The following SEC23A variants were observed in gnomAD, a reference collection of about 807,000 sequenced individuals.
SEC23A encodes the protein protein transport protein Sec23A.
A neutral mutation model predicts 103.7 loss-of-function variants in SEC23A; 56 were observed. That is an observed-to-expected ratio of 0.54 (90% confidence interval 0.44 to 0.67). SEC23A has a LOEUF of 0.67. Among genes scored for constraint, SEC23A ranks in the 30% least tolerant of loss-of-function variants. The pLI is 0.00. For missense variants in SEC23A, 784 were observed against 936.4 expected (o/e 0.84, Z 2.12); for synonymous variants, 281 against 293.0 (o/e 0.96, Z 0.42).
Position 39,042,786 on chromosome 14 carries a change from C to T in SEC23A, c.1986G>A (p.Glu662=). Residue 662 remains glutamate, a splice_region_variant and synonymous_variant, in exon 17 of 20, where the codon GAG becomes GAA. Coordinates refer to ENST00000307712, the MANE Select transcript of SEC23A (RefSeq NM_006364.4). Reference sequence around the variant, plus strand: ...GCTTTAAATGCTATTGAAATCTTACCTCACCATGATAAATCAAAATCTGGA... The same window carrying T: ...GCTTTAAATGCTATTGAAATCTTACTTCACCATGATAAATCAAAATCTGGA... ...TFFQILIYHG[E]TIAQWRKSGY... The T allele has an allele frequency of 6.3e-7, 1 of 1,592,140 alleles. No individual in the cohort carries two copies. Among genetic ancestry groups the T allele is most frequent in the Non-Finnish European group, 8.6e-7 (1 of 1,160,374 alleles).
intron 15 of SEC23A, among the ~76,000 whole-genome samples, chr14:39,047,184 A>G (rs998573487): frequency 1.3e-5 from 2 of 152,178 alleles, no homozygotes; most frequent in Non-Finnish European, 2.9e-5. Context: ...TCCTATTTCC[A>G]GGAAAGGAAG....
chr14:39,093,755 T>A (rs78857429), intron 2 of SEC23A, among the ~76,000 whole-genome samples: 44 of 152,092 alleles, frequency 2.9e-4, no homozygotes, highest in African/African-American at 1.1e-3. Flanking sequence ...AGTGAAACCA[T>A]CTCAAAAATA....
chr14:39,102,895 T>G (rs1027688875), intron 1 of SEC23A, 137 bp downstream of exon 1: 2 of 152,110 alleles, frequency 1.3e-5, no homozygotes, highest in African/African-American at 4.8e-5. Context: ...CACTCAACGC[T>G]CCCCGCGCCG....
Position 39,076,042 on chromosome 14 carries a change from C to A in SEC23A, c.880G>T (p.Ala294Ser). ...ARIMMFIGGP[A>S]TQGPGMVVGD... ...ACCACCATTCCAGGCCCCTGAGTAG[C>A]AGGACCACCAATGAACATCATGATA... The change falls in exon 8 of 20, where the codon GCT becomes TCT. Residue 294 changes from alanine to serine, a missense_variant. Physicochemically the swap from Ala to Ser is moderately conservative, Grantham distance 99 (BLOSUM62 1). Coordinates refer to ENST00000307712, the MANE Select transcript of SEC23A (RefSeq NM_006364.4). 1.2e-6 allele frequency: 2 copies of A among 1,613,586 alleles called. No homozygotes were observed. Among genetic ancestry groups the A allele is most frequent in the Non-Finnish European group, 1.7e-6 (2 of 1,179,800 alleles).
chr14:39,064,144 G>A (rs373547181), intron 11 of SEC23A, among the ~76,000 whole-genome samples: 2 of 152,158 alleles, frequency 1.3e-5, no homozygotes. Context: ...TTCTCTGGAT[G>A]AGAATTGTTA....
At chr14:39,049,721 T>C (rs1594442841) in intron 14 of SEC23A, among the ~76,000 whole-genome samples, 1 of 151,336 alleles carries the variant, frequency 6.6e-6, no homozygotes, top group African/African-American at 2.4e-5. Context: ...GAGGCTACTC[T>C]GTAAGCCATG....
At chr14:39,088,302 A>G (rs1887519854) in intron 5 of SEC23A, 1 of 152,230 alleles carries the variant, frequency 6.6e-6, no homozygotes, top group Non-Finnish European at 1.5e-5. Flanking sequence ...GCCTATTGAA[A>G]AAAGGAAGAT....
Position 39,096,067 on chromosome 14 carries a change from G to A in SEC23A, c.52C>T (p.Arg18Ter), listed in dbSNP as rs745341783. 9 of 1,613,736 alleles carry A rather than the reference G, an allele frequency of 5.6e-6. No individual in the cohort carries two copies. Among genetic ancestry groups the A allele is most frequent in the Admixed American group, 1.7e-5 (1 of 59,980 alleles). The change falls in exon 2 of 20, where the codon CGA becomes TGA. Residue 18 changes from arginine to a stop codon, truncating the protein, a stop_gained. Coordinates refer to ENST00000307712, the MANE Select transcript of SEC23A (RefSeq NM_006364.4). LOFTEE classifies it high-confidence loss of function. ...GATGGCCAAACATTCCAACTAAATC[G>A]GACTCCATCTCGTTCTTCATTTTGT... ...IQQNEERDGV[R>*]FSWNVWPSSR... is the part of the protein sequence containing the mutation.
intron 5 of SEC23A, among the ~76,000 whole-genome samples, chr14:39,089,824 C>T (rs1887595640): frequency 1.3e-5 from 2 of 152,074 alleles, no homozygotes; most frequent in Admixed American, 6.6e-5. Context: ...GGCATGATGG[C>T]GGGTGCCAGT....
intron 1 of SEC23A, among the ~76,000 whole-genome samples, chr14:39,096,741 G>T (rs575331119): frequency 2.6e-5 from 4 of 151,868 alleles, no homozygotes; most frequent in African/African-American, 9.7e-5. Flanking sequence ...AAAAATAGGG[G>T]GAAAACCTAG....
intron 16 of SEC23A, among the ~76,000 whole-genome samples, chr14:39,044,015 G>GT (rs148462578): frequency 0.013 from 1,986 of 152,262 alleles, 36 homozygotes; most frequent in African/African-American, 0.043. Flanking sequence ...GTGGGTCATG[G>GT]TGGGGGTGTT....
At chr14:39,088,412 C>A (rs897143168) in intron 5 of SEC23A, 1 of 151,944 alleles carries the variant, frequency 6.6e-6, no homozygotes, top group Admixed American at 6.6e-5. Context: ...GCCTGGCCAA[C>A]ATGGTGAAAC....
intron 1 of SEC23A, among the ~76,000 whole-genome samples, chr14:39,096,619 C>T (rs1887902521): frequency 6.6e-6 from 1 of 151,758 alleles, no homozygotes; most frequent in African/African-American, 2.4e-5. Flanking sequence ...AATGGCTCTA[C>T]CCAATGTTCA....
intron 9 of SEC23A, among the ~76,000 whole-genome samples, chr14:39,067,542 A>C (rs2060446883): frequency 6.6e-6 from 1 of 152,200 alleles, no homozygotes; most frequent in African/African-American, 2.4e-5. Context: ...ATTTAAAAAA[A>C]AATTCTTCTT....
chr14:39,056,663 A>G (rs1886262620), intron 13 of SEC23A, among the ~76,000 whole-genome samples: 1 of 151,742 alleles, frequency 6.6e-6, no homozygotes, highest in South Asian at 2.1e-4. Context: ...GGGATTCACC[A>G]TGTAGCCCAG....
chr14:39,083,756 G>A (rs964546737), intron 7 of SEC23A, among the ~76,000 whole-genome samples: 16 of 151,360 alleles, frequency 1.1e-4, no homozygotes, highest in African/African-American at 3.6e-4. Context: ...GTAGAGACAG[G>A]GTTTCACCAC....
intron 15 of SEC23A, among the ~76,000 whole-genome samples, chr14:39,046,211 G>A (rs773475619): frequency 5.9e-5 from 9 of 152,220 alleles, no homozygotes; most frequent in Non-Finnish European, 1.0e-4. Flanking sequence ...GCTCACGCTT[G>A]TAATCCTAGC....
At chr14:39,036,213 T>C (rs546400512) in intron 19 of SEC23A, among the ~76,000 whole-genome samples, 1 of 148,840 alleles carries the variant, frequency 6.7e-6, no homozygotes, top group South Asian at 2.1e-4. Context: ...TCCCAGCTAC[T>C]CAGGAGGCTG....
In SEC23A at chr14:39,045,321, T is replaced by G; in HGVS notation, c.1741A>C (p.Met581Leu). The change falls in exon 16 of 20, where the codon ATG becomes CTG. Residue 581 changes from methionine (M) to leucine (L), a missense_variant. Physicochemically the swap from Met to Leu is conservative, Grantham distance 15 (BLOSUM62 2). This residue lies in a region of SEC23A where 683 missense variants were observed against 774.2 expected (regional missense o/e 0.88). Coordinates refer to ENST00000307712, the MANE Select transcript of SEC23A (RefSeq NM_006364.4). Reference protein sequence around the residue: ...SETFSLYPQFMFHLRRSSFLQ... With the variant: ...SETFSLYPQFLFHLRRSSFLQ... ...AAAGAAGATCTTCTTAAATGAAACA[T>G]AAACTGTAAGATAAACACGTAAGAT... The G allele has an allele frequency of 6.2e-7, 1 of 1,604,418 alleles. No homozygotes were observed. Among genetic ancestry groups the G allele is most frequent in the Non-Finnish European group, 8.5e-7 (1 of 1,171,668 alleles).
Sources: allele counts gnomAD v4.1 joint callset (sites outside exome capture counted in the v4.1 genomes callset), GRCh38; gene constraint gnomAD v4.1.1; regional missense constraint gnomAD v4.1.1; transcripts MANE v1.5; gene names NCBI Gene and HGNC (gene_info 2026-07-23, HGNC 2026-07-21).